HECTD4: variants seen among roughly 807,000 people sequenced by gnomAD.
HECTD4 encodes probable E3 ubiquitin-protein ligase HECTD4.
In HECTD4, 114 loss-of-function variants were observed where a neutral mutation model predicts 471.5. The observed-to-expected ratio is 0.24, with a 90% CI of 0.21 to 0.28. The LOEUF (loss-of-function observed/expected upper bound fraction) is 0.28, where lower values mean the gene tolerates loss of function less well. Ranked by LOEUF, HECTD4 falls within the 10% of genes least tolerant of loss-of-function variation. HECTD4 has a pLI of 1.00. For missense variants in HECTD4, 3,866 were observed against 5,651.5 expected (o/e 0.68, Z 10.13); for synonymous variants, 2,012 against 2,256.0 (o/e 0.89, Z 3.07).
At chr12:112,176,184 C>T (rs2031438978) in intron 65 of HECTD4, among the ~76,000 whole-genome samples, 2 of 152,258 alleles carry the variant, frequency 1.3e-5, no homozygotes, top group African/African-American at 4.8e-5. Context: ...TTCTCCAATG[C>T]TGCCTGGGCC....
intron 1 of HECTD4, among the ~76,000 whole-genome samples, chr12:112,364,274 C>T (rs1456704886): frequency 6.6e-6 from 1 of 151,424 alleles, no homozygotes; most frequent in Non-Finnish European, 1.5e-5. Context: ...GGACATAGTG[C>T]CACACATCTG....
intron 12 of HECTD4, 125 bp downstream of exon 12, chr12:112,270,102 A>G: frequency 1.2e-6 from 1 of 804,294 alleles, no homozygotes; most frequent in Non-Finnish European, 2.0e-6. Flanking sequence ...CCAGGATCAG[A>G]AGGTGGTAAG....
chr12:112,168,638 C>T (rs2031082797), intron 70 of HECTD4, among the ~76,000 whole-genome samples: 1 of 152,206 alleles, frequency 6.6e-6, no homozygotes, highest in Admixed American at 6.5e-5. Context: ...CTCACCTCTG[C>T]TTCAAGGAGA....
In HECTD4 at chr12:112,269,686, A is replaced by C. The variant is rs373846487; in HGVS notation, c.2321+18T>G. 1.4e-5 allele frequency: 22 copies of C among 1,613,424 alleles called. No individual in the cohort carries two copies. Among genetic ancestry groups the C allele is most frequent in the East Asian group, 6.7e-5 (3 of 44,886 alleles). On this transcript the variant is annotated intron_variant, in intron 13 of 75. Transcript: ENST00000682272. Reference sequence around the variant, plus strand: ...AATCATTTTGCAGAGAGCACTACAAAAATCATTAGCTGTTTACCTGATGGC... The same window carrying C: ...AATCATTTTGCAGAGAGCACTACAACAATCATTAGCTGTTTACCTGATGGC...
Position 112,231,594 on chromosome 12 carries a change from G to T in HECTD4, c.6119C>A (p.Thr2040Asn), listed in dbSNP as rs1359381977. 6.2e-7 allele frequency: 1 copy of T among 1,614,022 alleles called. No individual in the cohort carries two copies. The highest frequency in any genetic ancestry group is 8.5e-7 in the Non-Finnish European group (1 of 1,179,896). The change falls in exon 39 of 76, where the codon ACT (threonine) becomes AAT (asparagine). Residue 2040 changes from threonine to asparagine, a missense_variant. This residue lies in a region of HECTD4 where 617 missense variants were observed against 915.1 expected (regional missense o/e 0.67). Transcript: ENST00000682272. Reference protein sequence around the residue: ...GPPVESINPETVSGLSTGDKK... With the variant: ...GPPVESINPENVSGLSTGDKK... ...GTCGCCTGTGGATAGTCCACTCACA[G>T]TCTCTGGGTTGATAGACTCTACAGG...
rs554577287 is a variant in HECTD4 at position 112,231,384 on chromosome 12, A to G, written c.6200+129T>C. The G allele has an allele frequency of 7.5e-6, 6 of 805,368 alleles. No individual in the cohort carries two copies. In the East Asian group the frequency reaches 1.5e-4, roughly 20 times the overall value. The allele number at this position is 805,368 out of a possible 1,614,324, so 49.9% of individuals were successfully genotyped here. A position where few individuals can be genotyped will look rare whatever the true frequency, so the allele number is the denominator to read the frequency against. ...TCCAGGCTGTACCTTGAGTGCAACT[A>G]CTACAGCAGATGGCGGCCTCATTTC... On this transcript the variant is annotated intron_variant, in intron 39 of 75. Transcript: ENST00000682272.
At chr12:112,246,844 G>A (rs1336467285) in intron 29 of HECTD4, 57 bp downstream of exon 29, 2 of 1,489,770 alleles carry the variant, frequency 1.3e-6, no homozygotes, top group Admixed American at 4.3e-5. Context: ...TATATGAACA[G>A]AGTATATTCT....
At chr12:112,290,800 A>C (rs1417697804) in intron 7 of HECTD4, among the ~76,000 whole-genome samples, 1 of 148,964 alleles carries the variant, frequency 6.7e-6, no homozygotes, top group Admixed American at 6.8e-5. Context: ...GTGAGCTGAG[A>C]TCACACCATT....
intron 52 of HECTD4, among the ~76,000 whole-genome samples, chr12:112,205,984 G>A (rs1001887334): frequency 1.3e-5 from 2 of 152,134 alleles, no homozygotes; most frequent in African/African-American, 2.4e-5. Flanking sequence ...GGCTATATGA[G>A]CTTCTTCTAT....
chr12:112,164,286 G>A lies in HECTD4; in HGVS notation c.12535-11C>T, dbSNP rs764471814. ...GGTCTCATCATTGATCTGGAGGGTG[G>A]AGGCAGAGCGAGGCTCATTATGAGG... On this transcript the variant is annotated splice_polypyrimidine_tract_variant and intron_variant, in intron 72 of 75. Coordinates refer to ENST00000682272, the MANE Select transcript of HECTD4 (RefSeq NM_001388303.1). The A allele has an allele frequency of 2.5e-6, 4 of 1,604,794 alleles. No homozygotes were observed. Among genetic ancestry groups the A allele is most frequent in the Non-Finnish European group, 2.6e-6 (3 of 1,173,820 alleles).
intron 1 of HECTD4, among the ~76,000 whole-genome samples, chr12:112,348,863 A>G (rs2036202473): frequency 6.6e-6 from 1 of 152,184 alleles, no homozygotes; most frequent in Admixed American, 6.5e-5. Flanking sequence ...AAGCATTTAT[A>G]TATCTAGAGA....
At position 112,191,235 on chromosome 12, in the gene HECTD4, A is replaced by G. The variant is rs561825964; in HGVS notation, c.9293-270T>C. ...ACGGAGATGAGAACAGAGGACACAC[A>G]CTTGTCATTCAGTTAGATACCAACC... On this transcript the variant is annotated intron_variant, in intron 59 of 75. Transcript: ENST00000682272. Among the ~76,000 whole-genome samples, 8 of 152,340 alleles carry G rather than the reference A, an allele frequency of 5.3e-5. No homozygotes were observed. In the South Asian group the frequency reaches 1.7e-3, roughly 32 times the overall value.
At chr12:112,358,576 T>A (rs1434902492) in intron 1 of HECTD4, among the ~76,000 whole-genome samples, 2 of 152,142 alleles carry the variant, frequency 1.3e-5, no homozygotes, top group Non-Finnish European at 2.9e-5. Flanking sequence ...TGACAGAATA[T>A]TATTCAGGGG....
chr12:112,279,186 T>G, intron 9 of HECTD4, 42 bp downstream of exon 9: 187 of 1,531,228 alleles, frequency 1.2e-4, no homozygotes, highest in Non-Finnish European at 1.5e-4. Context: ...TTTCAGAGTT[T>G]GAGATAAATC....
At chr12:112,174,455 C>T (rs980132784) in intron 66 of HECTD4, among the ~76,000 whole-genome samples, 13 of 144,832 alleles carry the variant, frequency 9.0e-5, no homozygotes, top group African/African-American at 3.1e-4. Flanking sequence ...GGTTTCACCA[C>T]GTTGATCAGG....
intron 4 of HECTD4, 32 bp from the exon 5 acceptor site, chr12:112,309,701 A>G (rs1431061287): frequency 6.8e-6 from 7 of 1,027,600 alleles, no homozygotes; most frequent in Middle Eastern, 2.0e-4. Flanking sequence ...TAAATTATAT[A>G]TATGTTTTTT....
chr12:112,251,572 T>C (rs191709366), intron 23 of HECTD4, among the ~76,000 whole-genome samples: 1 of 152,312 alleles, frequency 6.6e-6, no homozygotes, highest in Admixed American at 6.5e-5. Context: ...GTGCCAGCCA[T>C]TGTTCTAGGT....
intron 49 of HECTD4, among the ~76,000 whole-genome samples, chr12:112,211,660 G>A (rs921541889): frequency 1.3e-5 from 2 of 152,090 alleles, no homozygotes; most frequent in African/African-American, 4.8e-5. Flanking sequence ...ATGGGAGAAG[G>A]GGTCAGATTC....
intron 40 of HECTD4, 112 bp from the exon 41 acceptor site, chr12:112,229,992 G>T: frequency 1.0e-6 from 1 of 970,158 alleles, no homozygotes; most frequent in Non-Finnish European, 1.5e-6. Context: ...AAGGAACTCT[G>T]GACATGTGAG....
Sources: allele counts gnomAD v4.1 joint callset (sites outside exome capture counted in the v4.1 genomes callset), GRCh38; gene constraint gnomAD v4.1.1; regional missense constraint gnomAD v4.1.1; transcripts MANE v1.5; gene names NCBI Gene and HGNC (gene_info 2026-07-23, HGNC 2026-07-21).